CDYL2: variants seen among roughly 807,000 people sequenced by gnomAD.
The protein encoded by CDYL2 is chromodomain Y like 2.
A neutral mutation model predicts 49.4 loss-of-function variants in CDYL2; 23 were observed. That is an observed-to-expected ratio of 0.47 (90% CI 0.34 to 0.66). The LOEUF is 0.66. Among genes scored for constraint, CDYL2 ranks in the 30% least tolerant of loss-of-function variants. The probability of loss-of-function intolerance (pLI) is 0.01; values close to 1 mark genes in which losing one functional copy is unlikely to be tolerated. For synonymous variants in CDYL2, 360 were observed against 268.8 expected (o/e 1.34, Z -3.32); for missense variants, 678 against 656.4 (o/e 1.03, Z -0.36).
chr16:80,793,690 G>A (rs1157059847), intron 1 of CDYL2, among the ~76,000 whole-genome samples: 1 of 152,204 alleles, frequency 6.6e-6, no homozygotes, highest in Non-Finnish European at 1.5e-5. Context: ...GTGGAGCTCA[G>A]CAATAGAACC....
chr16:80,631,793 C>G (rs1051351300), intron 3 of CDYL2, among the ~76,000 whole-genome samples: 2 of 152,154 alleles, frequency 1.3e-5, no homozygotes, highest in Non-Finnish European at 2.9e-5. Flanking sequence ...AAAAGATGCT[C>G]AACATGACTA....
chr16:80,671,078 C>A, intron 2 of CDYL2: 1 of 444,064 alleles, frequency 2.3e-6, no homozygotes, highest in South Asian at 1.6e-5. Flanking sequence ...CTCTCTCCTG[C>A]CGCAGCCCCT....
intron 1 of CDYL2, among the ~76,000 whole-genome samples, chr16:80,712,201 A>ATC (rs1904639433): frequency 8.1e-6 from 1 of 122,878 alleles, no homozygotes; most frequent in Non-Finnish European, 1.9e-5. Flanking sequence ...GTATATATAT[A>ATC]TATATATATA....
At chr16:80,764,778 C>T (rs996152294) in intron 1 of CDYL2, among the ~76,000 whole-genome samples, 11 of 151,872 alleles carry the variant, frequency 7.2e-5, no homozygotes, top group Non-Finnish European at 1.3e-4. Flanking sequence ...TTTAGTTCCT[C>T]GGCTAGGCGC....
At chr16:80,774,360 A>C (rs1278943118) in intron 1 of CDYL2, among the ~76,000 whole-genome samples, 2 of 150,930 alleles carry the variant, frequency 1.3e-5, no homozygotes, top group Non-Finnish European at 3.0e-5. Context: ...ATCCCACGGA[A>C]ACAGAGAGGA....
intron 2 of CDYL2, among the ~76,000 whole-genome samples, chr16:80,639,406 A>C (rs1567551503): frequency 6.6e-6 from 1 of 152,246 alleles, no homozygotes; most frequent in Non-Finnish European, 1.5e-5. Flanking sequence ...AAAACACAAA[A>C]AACTGCAGCT....
At chr16:80,645,891 A>C (rs1908318397) in intron 2 of CDYL2, among the ~76,000 whole-genome samples, 1 of 150,434 alleles carries the variant, frequency 6.6e-6, no homozygotes, top group Non-Finnish European at 1.5e-5. Flanking sequence ...AAGGACAGAA[A>C]ACCAAACACC....
intron 1 of CDYL2, among the ~76,000 whole-genome samples, chr16:80,730,182 C>T (rs1905279394): frequency 1.3e-5 from 2 of 151,724 alleles, no homozygotes; most frequent in Admixed American, 1.3e-4. Context: ...TTGAAAGGAT[C>T]AACAAAATTG....
intron 1 of CDYL2, among the ~76,000 whole-genome samples, chr16:80,781,644 G>A (rs1907273495): frequency 6.6e-6 from 1 of 152,034 alleles, no homozygotes; most frequent in Non-Finnish European, 1.5e-5. Context: ...CCACAAGACA[G>A]GCTTTAATAA....
chr16:80,757,444 A>AG (rs1906349482), intron 1 of CDYL2, among the ~76,000 whole-genome samples: 2 of 151,086 alleles, frequency 1.3e-5, no homozygotes, highest in Admixed American at 6.6e-5. Context: ...GGAGGCTGAG[A>AG]GGGGAGGCTT....
At chr16:80,773,459 C>T (rs1289430414) in intron 1 of CDYL2, among the ~76,000 whole-genome samples, 3 of 152,076 alleles carry the variant, frequency 2.0e-5, no homozygotes, top group Non-Finnish European at 4.4e-5. Context: ...TATCTGAATA[C>T]ACAATTAATA....
rs1247163820 is a variant in CDYL2 at position 80,603,157 on chromosome 16, G to C, written c.*1231C>G. 7 of 152,162 alleles carry C rather than the reference G, an allele frequency of 4.6e-5. No individual in the cohort carries two copies. The highest frequency in any genetic ancestry group is 1.0e-4 in the Non-Finnish European group (7 of 68,056). 9.4% of individuals were successfully genotyped at this position (152,162 alleles called of 1,614,324 possible). On this transcript the variant is annotated 3_prime_UTR_variant, in exon 7 of 7. Transcript: ENST00000570137. ...GACCTCCAGACAGCTCAGCAGAGTG[G>C]GAACTCTTCCCCATCCCCCTGGCCA...
chr16:80,667,076 TATGCTGG>T lies in CDYL2; in HGVS notation c.616+17455_616+17461del, dbSNP rs1175685246. Among the ~76,000 whole-genome samples, 3 of 152,176 alleles carry T rather than the reference TATGCTGG, an allele frequency of 2.0e-5. No homozygotes were observed. The East Asian group carries it at 5.8e-4, about 29-fold the overall frequency. On this transcript the variant is annotated intron_variant, in intron 2 of 6. Transcript: ENST00000570137. ...GTGCAAATAAAAACGGAAACTGAGC[TATGCTGG>T]CAGTCAGCAAAGGTTTCCATGGGGG...
At chr16:80,660,002 A>G (rs1170138936) in intron 2 of CDYL2, among the ~76,000 whole-genome samples, 1 of 152,166 alleles carries the variant, frequency 6.6e-6, no homozygotes, top group East Asian at 1.9e-4. Context: ...TGGCAGACTG[A>G]AAACAGCAAT....
chr16:80,762,891 A>G (rs1179329432), intron 1 of CDYL2, among the ~76,000 whole-genome samples: 9 of 152,208 alleles, frequency 5.9e-5, no homozygotes, highest in Non-Finnish European at 1.3e-4. Context: ...TGTGAGCTTC[A>G]TTCAAGCATG....
In CDYL2 at chr16:80,629,194, G is replaced by A. The variant is rs886303728; in HGVS notation, c.834+3825C>T. On this transcript the variant is annotated intron_variant, in intron 3 of 6. Coordinates refer to ENST00000570137, the MANE Select transcript of CDYL2 (RefSeq NM_152342.4). ...GGGTGTGTGTATAAAGGGTTGACTT[G>A]GCCACAGCTGCATTTCTGGAAGATC... 2.6e-5 allele frequency among the ~76,000 whole-genome samples: 4 copies of A among 152,128 alleles called. No individual in the cohort carries two copies. The East Asian group carries it at 7.7e-4, about 29-fold the overall frequency.
At chr16:80,761,141 T>C (rs909913354) in intron 1 of CDYL2, among the ~76,000 whole-genome samples, 4 of 152,040 alleles carry the variant, frequency 2.6e-5, no homozygotes, top group African/African-American at 9.7e-5. Context: ...GAAATGCAGA[T>C]TCTCAGGCCC....
chr16:80,670,743 T>A (rs1330986819), intron 2 of CDYL2, among the ~76,000 whole-genome samples: 1 of 151,898 alleles, frequency 6.6e-6, no homozygotes. Context: ...TGGGACAGGA[T>A]GAAAGAAAGA....
chr16:80,645,799 G>A (rs970596997), intron 2 of CDYL2, among the ~76,000 whole-genome samples: 1 of 151,902 alleles, frequency 6.6e-6, no homozygotes, highest in Admixed American at 6.6e-5. Flanking sequence ...GGACTACTAT[G>A]CAGCCATAAA....
Sources: gnomAD v4.1 joint callset for allele counts (sites outside exome capture counted in the v4.1 genomes callset) on GRCh38, gnomAD v4.1.1 for gene constraint, MANE v1.5 for transcripts, NCBI Gene and HGNC (gene_info 2026-07-23, HGNC 2026-07-21) for gene names.